MERTK: variants seen among roughly 807,000 people sequenced by gnomAD.
MERTK encodes MER proto-oncogene, tyrosine kinase.
Under a neutral mutation model 99.3 loss-of-function variants are expected in MERTK, and 69 were observed. The ratio of observed to expected loss-of-function variants is 0.70; its 90% CI spans 0.57 to 0.85. The LOEUF (loss-of-function observed/expected upper bound fraction) is 0.85. Among genes scored for constraint, MERTK ranks in the 40% least tolerant of loss-of-function variants. MERTK has a pLI of 0.00. For missense variants in MERTK, 1,125 were observed against 1,249.4 expected, an observed-to-expected ratio of 0.90 and a Z score of 1.50; for synonymous variants, 426 against 467.6, an observed-to-expected ratio of 0.91 and a Z score of 1.15.
At position 111,929,514 on chromosome 2, in the gene MERTK, A is replaced by G. The variant is rs746074841; in HGVS notation, c.456A>G (p.Glu152=). The G allele has an allele frequency of 8.1e-6, 13 of 1,613,396 alleles. No homozygotes were observed. Residue 152 remains glutamate (E), a synonymous_variant, in exon 2 of 19, where the codon GAA becomes GAG. Coordinates refer to ENST00000295408, the MANE Select transcript of MERTK (RefSeq NM_006343.3). The stretch of plus-strand genomic sequence containing the variant: ...TTACACAGTTTTATCCAGATGATGA[A>G]GTTACAGCAATAATCGCTTCCTTCA... The part of the protein sequence containing the change: ...HAITQFYPDD[E]VTAIIASFSI...
At chr2:111,972,462 A>G (rs984383209) in intron 6 of MERTK, among the ~76,000 whole-genome samples, 3 of 152,144 alleles carry the variant, frequency 2.0e-5, no homozygotes, top group African/African-American at 7.2e-5. Context: ...TGAAAACACC[A>G]GGTCACCCCT....
chr2:111,992,369 G>A (rs1445101125), intron 8 of MERTK, among the ~76,000 whole-genome samples: 6 of 115,888 alleles, frequency 5.2e-5, no homozygotes, highest in Non-Finnish European at 9.2e-5. Flanking sequence ...AGAGGGTGGT[G>A]CACCCAGGGC....
intron 4 of MERTK, among the ~76,000 whole-genome samples, chr2:111,962,689 T>C (rs1227279716): frequency 2.6e-5 from 4 of 152,188 alleles, no homozygotes; most frequent in Non-Finnish European, 5.9e-5. Context: ...GTCCATACTT[T>C]AGTGATATTT....
intron 1 of MERTK, among the ~76,000 whole-genome samples, chr2:111,928,780 C>T (rs1306725421): frequency 1.3e-5 from 2 of 152,206 alleles, no homozygotes; most frequent in African/African-American, 2.4e-5. Context: ...GCCACCGCGC[C>T]TGGCCAAGAA....
At chr2:111,996,734 A>G (rs529305595) in intron 9 of MERTK, among the ~76,000 whole-genome samples, 2 of 152,338 alleles carry the variant, frequency 1.3e-5, no homozygotes, top group Admixed American at 1.3e-4. Flanking sequence ...CATTGAAGGA[A>G]TACTGGGAGA....
At chr2:111,959,348 C>G (rs1395558813) in intron 4 of MERTK, among the ~76,000 whole-genome samples, 2 of 152,244 alleles carry the variant, frequency 1.3e-5, no homozygotes, top group Non-Finnish European at 2.9e-5. Context: ...CCCTATTTTC[C>G]TTTCATCTCT....
intron 1 of MERTK, among the ~76,000 whole-genome samples, chr2:111,910,475 G>C (rs1484969550): frequency 6.6e-6 from 1 of 151,842 alleles, no homozygotes; most frequent in African/African-American, 2.4e-5. Context: ...TCACCATGTT[G>C]GCCAGGCTGA....
intron 13 of MERTK, among the ~76,000 whole-genome samples, chr2:112,006,134 G>A (rs773003812): frequency 5.3e-5 from 8 of 152,038 alleles, no homozygotes; most frequent in East Asian, 3.9e-4. Context: ...CGCCCACCTT[G>A]GCCTCCCAAA....
chr2:112,028,481 G>C lies in MERTK; in HGVS notation c.2617G>C (p.Val873Leu), dbSNP rs747522500. The part of the protein sequence containing the change: ...DVRNQADVIY[V>L]NTQLLESSEG... The stretch of plus-strand genomic sequence containing the variant: ...TCGGAACCAAGCAGACGTTATTTAC[G>C]TCAATACACAGTTGCTGGAGAGCTC... The change falls in exon 19 of 19, where the codon GTC becomes CTC. Residue 873 changes from valine to leucine, a missense_variant. Coordinates refer to ENST00000295408, the MANE Select transcript of MERTK (RefSeq NM_006343.3). 2 of 1,614,162 alleles carry C rather than the reference G, an allele frequency of 1.2e-6. No homozygotes were observed. Among genetic ancestry groups the C allele is most frequent in the South Asian group, 1.1e-5 (1 of 91,086 alleles).
chr2:111,986,782 T>C (rs940204272), intron 8 of MERTK, among the ~76,000 whole-genome samples: 3 of 152,226 alleles, frequency 2.0e-5, no homozygotes, highest in African/African-American at 7.2e-5. Context: ...AGTGAGATCA[T>C]TTATTATGCT....
chr2:112,018,366 C>T (rs531908640), intron 15 of MERTK, among the ~76,000 whole-genome samples: 8 of 152,222 alleles, frequency 5.3e-5, no homozygotes, highest in African/African-American at 1.9e-4. Context: ...AAATCCTTTC[C>T]TGGAAATCAG....
In MERTK at chr2:112,012,062, G is replaced by A. The variant is rs574656553; in HGVS notation, c.2079+1996G>A. Reference sequence around the variant, plus strand: ...CTAGACTGGGGGGTGTGGTGTCTGCGCACAGATGCAGAACCTCATGGTGGC... The same window carrying A: ...CTAGACTGGGGGGTGTGGTGTCTGCACACAGATGCAGAACCTCATGGTGGC... On this transcript the variant is annotated intron_variant, in intron 15 of 18. Transcript: ENST00000295408. Among the ~76,000 whole-genome samples, 26 of 152,312 alleles carry A rather than the reference G, an allele frequency of 1.7e-4. 1 individual carries two copies. Among genetic ancestry groups the A allele is most frequent in the African/African-American group, 5.5e-4 (23 of 41,554 alleles).
chr2:111,965,371 C>A, intron 5 of MERTK, 94 bp downstream of exon 5: 2 of 1,170,078 alleles, frequency 1.7e-6, no homozygotes, highest in Non-Finnish European at 2.5e-6. Flanking sequence ...TGGATCCTGG[C>A]TTTCTCACTG....
At chr2:111,947,615 G>A in intron 4 of MERTK, 48 bp downstream of exon 4, 1 of 1,608,910 alleles carries the variant, frequency 6.2e-7, no homozygotes, top group Non-Finnish European at 8.5e-7. Context: ...ATAGCGGACA[G>A]GATCAAAAGT....
intron 4 of MERTK, among the ~76,000 whole-genome samples, chr2:111,951,039 A>G (rs1685045359): frequency 6.6e-6 from 1 of 151,838 alleles, no homozygotes; most frequent in South Asian, 2.1e-4. Flanking sequence ...TAAGGTATAC[A>G]ATGTAATGTT....
rs367720488 is a variant in MERTK, at chr2:111,909,957, C to G, written c.61+11161C>G. On this transcript the variant is annotated intron_variant, in intron 1 of 18. Transcript: ENST00000295408. ...TCCAAAAGAAAGGATATCAGTATAT[C>G]AAAAAGACATCTGCACCCTCATGTT... 2.0e-5 allele frequency among the ~76,000 whole-genome samples: 3 copies of G among 152,266 alleles called. No homozygotes were observed. In the South Asian group the frequency reaches 6.2e-4, roughly 32 times the overall value.
chr2:111,950,189 A>T (rs1685030704), intron 4 of MERTK, among the ~76,000 whole-genome samples: 2 of 151,962 alleles, frequency 1.3e-5, no homozygotes, highest in South Asian at 2.1e-4. Flanking sequence ...GACCGCCTCC[A>T]CCTCCTAAAT....
chr2:111,939,675 T>C (rs1190749618), intron 2 of MERTK, among the ~76,000 whole-genome samples: 1 of 139,790 alleles, frequency 7.2e-6, no homozygotes, highest in East Asian at 2.0e-4. Flanking sequence ...TTTTTTTTTT[T>C]TTTTTTTGGT....
At chr2:111,965,069 T>A (rs1685334418) in intron 4 of MERTK, 122 bp from the exon 5 acceptor site, 1 of 936,074 alleles carries the variant, frequency 1.1e-6, no homozygotes, top group Non-Finnish European at 1.7e-6. Context: ...TTAAATTAAC[T>A]TTGCACTAAT....
Sources: allele counts gnomAD v4.1 joint callset (sites outside exome capture counted in the v4.1 genomes callset), GRCh38; gene constraint gnomAD v4.1.1; transcripts MANE v1.5; gene names NCBI Gene and HGNC (gene_info 2026-07-23, HGNC 2026-07-21).